MRPL20: variants seen among roughly 807,000 people sequenced by gnomAD.
The protein encoded by MRPL20 is large ribosomal subunit protein bL20m.
In MRPL20, 21 loss-of-function variants were observed where a neutral mutation model predicts 20.0. That is an observed-to-expected ratio of 1.05 (90% CI 0.74 to 1.51). The LOEUF is 1.51. Among genes scored for constraint, MRPL20 ranks in the 40% most tolerant of loss-of-function variants. MRPL20 has a pLI of 0.00. For missense variants in MRPL20, 252 were observed against 185.6 expected (o/e 1.36, Z -2.08); for synonymous variants, 104 against 73.0 (o/e 1.43, Z -2.17).
At chr1:1,404,400 T>C (rs1465258432) in intron 3 of MRPL20, among the ~76,000 whole-genome samples, 2 of 151,876 alleles carry the variant, frequency 1.3e-5, no homozygotes, top group African/African-American at 2.4e-5. Context: ...GTGATCCACC[T>C]GCCTCAGCCT....
chr1:1,404,239 C>T (rs544322601), intron 3 of MRPL20, among the ~76,000 whole-genome samples: 8 of 145,692 alleles, frequency 5.5e-5, no homozygotes, highest in Non-Finnish European at 7.6e-5. Flanking sequence ...CTGCAATCTC[C>T]GTCTCCCGGG....
rs1238448679 is a variant in MRPL20, at chr1:1,405,896, G to C, written c.199-10C>G. On this transcript the variant is annotated splice_polypyrimidine_tract_variant and intron_variant, in intron 2 of 3. Transcript: ENST00000344843. ...TTCGATTAATCCAGAGCTGAAATAAGAAAACATGAAGATACTTAAAAATGA... is the reference window on the plus strand; with the variant it reads ...TTCGATTAATCCAGAGCTGAAATAACAAAACATGAAGATACTTAAAAATGA... The C allele has an allele frequency of 1.2e-6, 2 of 1,604,046 alleles. No individual in the cohort carries two copies. The highest frequency in any genetic ancestry group is 1.7e-6 in the Non-Finnish European group (2 of 1,172,674).
chr1:1,405,567 G>C, intron 3 of MRPL20: 1 of 675,116 alleles, frequency 1.5e-6, no homozygotes, highest in Non-Finnish European at 2.6e-6. Context: ...TCCAGCCTGG[G>C]CTGGTTCACC....
chr1:1,404,876 G>C (rs1220192101), intron 3 of MRPL20, among the ~76,000 whole-genome samples: 1 of 152,188 alleles, frequency 6.6e-6, no homozygotes, highest in East Asian at 1.9e-4. Flanking sequence ...TAAGCTCCCA[G>C]ACCTGCCAGA....
intron 3 of MRPL20, chr1:1,404,982 G>C (rs530545215): frequency 6.6e-6 from 1 of 152,354 alleles, no homozygotes; most frequent in African/African-American, 2.4e-5. Flanking sequence ...CAGGTCTGAT[G>C]GGAGGGTTTG....
chr1:1,405,611 A>C (rs1211458749), intron 3 of MRPL20, 198 bp downstream of exon 3: 2 of 971,270 alleles, frequency 2.1e-6, no homozygotes, highest in South Asian at 2.7e-5. Context: ...CCTTGCTCCC[A>C]AGAGGTCACC....
At chr1:1,403,095 C>T (rs978783286) in intron 3 of MRPL20, among the ~76,000 whole-genome samples, 2 of 149,634 alleles carry the variant, frequency 1.3e-5, no homozygotes, top group African/African-American at 5.0e-5. Flanking sequence ...CGCCACTTCA[C>T]TCCAGCCTGA....
chr1:1,402,061 C>T lies in MRPL20; in HGVS notation c.*22G>A, dbSNP rs1383664587. On this transcript the variant is annotated 3_prime_UTR_variant, in exon 4 of 4. Coordinates refer to ENST00000344843, the MANE Select transcript of MRPL20 (RefSeq NM_017971.4). Reference sequence around the variant, plus strand: ...ACTGCAAATTACTCTGTCTCTTTTCCTAATCAATACAGCAACAGTCCTCAG... The same window carrying T: ...ACTGCAAATTACTCTGTCTCTTTTCTTAATCAATACAGCAACAGTCCTCAG... The T allele has an allele frequency of 1.9e-6, 3 of 1,586,704 alleles. No individual in the cohort carries two copies. The highest frequency in any genetic ancestry group is 2.7e-5 in the African/African-American group (2 of 73,472).
intron 2 of MRPL20, 104 bp downstream of exon 2, chr1:1,406,805 A>G: frequency 6.3e-6 from 6 of 955,894 alleles, no homozygotes; most frequent in Non-Finnish European, 1.0e-5. Context: ...TATGAAAGGA[A>G]GGGGCTGAGG....
chr1:1,405,732 G>A lies in MRPL20; in HGVS notation c.276+77C>T, dbSNP rs778983475. Reference sequence around the variant, plus strand: ...AGCCTCCTGATTAGCTGGGACTACAGGAAGCACCACCACGCCCCGCATGAT... The same window carrying A: ...AGCCTCCTGATTAGCTGGGACTACAAGAAGCACCACCACGCCCCGCATGAT... On this transcript the variant is annotated intron_variant, in intron 3 of 3. Transcript: ENST00000344843. 1.5e-5 allele frequency: 24 copies of A among 1,613,202 alleles called. No individual in the cohort carries two copies. In the African/African-American group the frequency reaches 3.2e-4, roughly 22 times the overall value.
At chr1:1,406,163 C>T (rs1645382040) in intron 2 of MRPL20, 4 of 374,932 alleles carry the variant, frequency 1.1e-5, no homozygotes, top group Middle Eastern at 7.6e-4. Context: ...CGAGACCAGC[C>T]TGACCAACAT....
chr1:1,405,445 A>G (rs1467877140), intron 3 of MRPL20: 2 of 592,316 alleles, frequency 3.4e-6, no homozygotes, highest in Non-Finnish European at 6.0e-6. Flanking sequence ...CACCCAGCAA[A>G]TTTTATTTTT....
rs757375037 is a variant in MRPL20 at position 1,406,852 on chromosome 1, C to T, written c.198+57G>A. The T allele has an allele frequency of 6.1e-5, 90 of 1,483,826 alleles. No individual in the cohort carries two copies. The East Asian group carries it at 1.0e-3, about 16-fold the overall frequency. 91.9% of individuals were successfully genotyped at this position (1,483,826 alleles called of 1,614,324 possible). ...GCTGCACACTAGCTGGGTCGCGGCG[C>T]AGAAACGCAGGGGCCGCGAGTGCGC... On this transcript the variant is annotated intron_variant, in intron 2 of 3. Coordinates refer to ENST00000344843, the MANE Select transcript of MRPL20 (RefSeq NM_017971.4).
At chr1:1,406,091 C>T (rs1424124540) in intron 2 of MRPL20, 1 of 640,082 alleles carries the variant, frequency 1.6e-6, no homozygotes, top group South Asian at 2.1e-5. Flanking sequence ...CACGGTGTCT[C>T]ACGCCTGTAA....
Position 1,407,176 on chromosome 1 carries a change from G to A in MRPL20, c.42C>T (p.Val14=), listed in dbSNP as rs1285620604. 2 of 1,607,640 alleles carry A rather than the reference G, an allele frequency of 1.2e-6. No homozygotes were observed. Among genetic ancestry groups the A allele is most frequent in the Admixed American group, 1.7e-5 (1 of 59,210 alleles). ...CCTGGATCCGAAAGTAGCGGTCGGT[G>A]ACGCGATTCCGCAGCCAGAGCTGCG... ...LTAQLWLRNR[V]TDRYFRIQEV... The change falls in exon 1 of 4, where the codon GTC becomes GTT. Residue 14 remains valine, a synonymous_variant. Transcript: ENST00000344843.
At chr1:1,405,481 G>GC (rs1645374708) in intron 3 of MRPL20, 1 of 601,710 alleles carries the variant, frequency 1.7e-6, no homozygotes. Flanking sequence ...TCACTATGTT[G>GC]CCCAGGCTGT....
At chr1:1,404,859 A>G (rs1645368306) in intron 3 of MRPL20, among the ~76,000 whole-genome samples, 1 of 152,116 alleles carries the variant, frequency 6.6e-6, no homozygotes, top group Non-Finnish European at 1.5e-5. Flanking sequence ...GCTGCCAACC[A>G]GTGCGGTAAG....
In MRPL20 at chr1:1,406,964, C is replaced by T; in HGVS notation, c.143G>A (p.Arg48Gln). The change falls in exon 2 of 4, where the codon CGA becomes CAA. Residue 48 changes from arginine (R) to glutamine (Q), a missense_variant. By Grantham distance (43) the Arg-to-Gln change is conservative (BLOSUM62 1). Coordinates refer to ENST00000344843, the MANE Select transcript of MRPL20 (RefSeq NM_017971.4). The stretch of plus-strand genomic sequence containing the variant: ...GGCTTTGGTGCATTTCACAAAGGCT[C>T]GAATCACGGTTCTGACCGCCAACCT... ...CYRLAVRTVI[R>Q]AFVKCTKARY... is the part of the protein sequence containing the mutation. 1 of 1,613,836 alleles carries T rather than the reference C, an allele frequency of 6.2e-7. No individual in the cohort carries two copies. Among genetic ancestry groups the T allele is most frequent in the Non-Finnish European group, 8.5e-7 (1 of 1,179,794 alleles).
chr1:1,406,836 T>C, intron 2 of MRPL20, 73 bp downstream of exon 2: 4 of 1,336,918 alleles, frequency 3.0e-6, no homozygotes, highest in Non-Finnish European at 4.3e-6. Context: ...GGCTGCACAC[T>C]AGCTGGGTCG....
Sources: gnomAD v4.1 joint callset for allele counts (sites outside exome capture counted in the v4.1 genomes callset) on GRCh38, gnomAD v4.1.1 for gene constraint, MANE v1.5 for transcripts, NCBI Gene and HGNC (gene_info 2026-07-23, HGNC 2026-07-21) for gene names.